GRIA1: variants seen among roughly 807,000 people sequenced by gnomAD.
GRIA1 encodes glutamate ionotropic receptor AMPA type subunit 1, also known as glutamate receptor 1.
A neutral mutation model predicts 99.2 loss-of-function variants in GRIA1; 31 were observed. That is an observed-to-expected ratio of 0.31 (90% CI 0.23 to 0.42). The LOEUF (loss-of-function observed/expected upper bound fraction) is 0.42. Ranked by LOEUF, GRIA1 falls within the 10% of genes least tolerant of loss-of-function variation. The probability of loss-of-function intolerance (pLI) is 1.00; values close to 1 mark genes in which losing one functional copy is unlikely to be tolerated. For synonymous variants in GRIA1, 438 were observed against 432.4 expected, an observed-to-expected ratio of 1.01 and a Z score of -0.16; for missense variants, 782 against 1,157.5, an observed-to-expected ratio of 0.68 and a Z score of 4.71.
In GRIA1 at chr5:153,498,167, G is replaced by T. The variant is rs761980659; in HGVS notation, c.220+4102G>T. ...TATTAAAATATCTGGCAACACTAGG[G>T]CCCAGGTCTATGCAGCCTCAATTTG... On this transcript the variant is annotated intron_variant, in intron 2 of 15. Transcript: ENST00000285900. Among the ~76,000 whole-genome samples the T allele has an allele frequency of 4.9e-4, 74 of 152,086 alleles. 2 individuals carry two copies. Among genetic ancestry groups the T allele is most frequent in the Non-Finnish European group, 6.5e-4 (44 of 68,026 alleles).
chr5:153,704,917 T>C (rs1758783898), intron 10 of GRIA1, among the ~76,000 whole-genome samples: 1 of 152,222 alleles, frequency 6.6e-6, no homozygotes, highest in African/African-American at 2.4e-5. Context: ...GTGGGGACCA[T>C]AGTCTACCTA....
intron 13 of GRIA1, among the ~76,000 whole-genome samples, chr5:153,783,055 T>C (rs888500803): frequency 6.6e-6 from 1 of 152,156 alleles, no homozygotes; most frequent in African/African-American, 2.4e-5. Context: ...AGCAGAGTTT[T>C]CTTCTCTTCC....
chr5:153,565,628 C>G (rs1340597841), intron 2 of GRIA1, among the ~76,000 whole-genome samples: 1 of 152,132 alleles, frequency 6.6e-6, no homozygotes, highest in Non-Finnish European at 1.5e-5. Flanking sequence ...AGGTTCTAAG[C>G]AACCATGAAT....
rs1195660160 is a variant in GRIA1, at chr5:153,662,920, A to G, written c.699+7048A>G. 5.9e-5 allele frequency among the ~76,000 whole-genome samples: 9 copies of G among 152,226 alleles called. No individual in the cohort carries two copies. The East Asian group carries it at 1.7e-3, about 29-fold the overall frequency. On this transcript the variant is annotated intron_variant, in intron 5 of 15. Coordinates refer to ENST00000285900, the MANE Select transcript of GRIA1 (RefSeq NM_000827.4). ...TCTCTTTGCTGATGAAGCTTATTCC[A>G]GTTTCCTCTTCTTCCTCCCACACAG...
chr5:153,666,828 G>A (rs1755780402), intron 5 of GRIA1, among the ~76,000 whole-genome samples: 1 of 152,164 alleles, frequency 6.6e-6, no homozygotes, highest in Non-Finnish European at 1.5e-5. Flanking sequence ...TTTAGCCAAA[G>A]TCTGCCTTCT....
intron 2 of GRIA1, among the ~76,000 whole-genome samples, chr5:153,499,426 T>C (rs1316953957): frequency 6.6e-6 from 1 of 151,632 alleles, no homozygotes; most frequent in Non-Finnish European, 1.5e-5. Context: ...CCATCCTGGC[T>C]AATACAGTGA....
At chr5:153,680,100 T>C (rs940709751) in intron 7 of GRIA1, among the ~76,000 whole-genome samples, 1 of 152,136 alleles carries the variant, frequency 6.6e-6, no homozygotes, top group African/African-American at 2.4e-5. Flanking sequence ...CAAACCACAT[T>C]TAGATGATGC....
intron 15 of GRIA1, among the ~76,000 whole-genome samples, chr5:153,804,323 C>A (rs971112273): frequency 4.6e-5 from 7 of 152,152 alleles, no homozygotes. Flanking sequence ...CTCCAAGGAG[C>A]TTGGCTACAC....
intron 2 of GRIA1, among the ~76,000 whole-genome samples, chr5:153,533,727 G>T (rs1421771849): frequency 6.6e-6 from 1 of 152,164 alleles, no homozygotes; most frequent in Non-Finnish European, 1.5e-5. Flanking sequence ...TGAAGAGAAG[G>T]GTGTGGGGGA....
rs561724242 is a variant in GRIA1 at position 153,649,287 on chromosome 5, G to A, written c.461-1043G>A. Among the ~76,000 whole-genome samples the A allele has an allele frequency of 3.2e-4, 48 of 152,274 alleles. No homozygotes were observed. The South Asian group carries it at 9.3e-3, about 30-fold the overall frequency. ...CATTTGTGTTGTTTTAAGCCAGTAA[G>A]TGTGTGATAACTTGTTACAGCAGCA... is the stretch of plus-strand genomic sequence containing the variant. On this transcript the variant is annotated intron_variant, in intron 3 of 15. Coordinates refer to ENST00000285900, the MANE Select transcript of GRIA1 (RefSeq NM_000827.4).
chr5:153,643,774 T>A (rs1045330099), intron 2 of GRIA1, among the ~76,000 whole-genome samples: 3 of 152,124 alleles, frequency 2.0e-5, no homozygotes, highest in Middle Eastern at 3.2e-3. Flanking sequence ...CTGTTTAAGG[T>A]AAGAGATGTT....
At chr5:153,498,083 A>G (rs999200508) in intron 2 of GRIA1, among the ~76,000 whole-genome samples, 1 of 152,172 alleles carries the variant, frequency 6.6e-6, no homozygotes, top group African/African-American at 2.4e-5. Flanking sequence ...TACACTGTGT[A>G]AGAACCATGG....
chr5:153,794,479 T>C, intron 13 of GRIA1, 142 bp from the exon 14 acceptor site: 2 of 651,492 alleles, frequency 3.1e-6, no homozygotes, highest in Middle Eastern at 8.3e-4. Flanking sequence ...CCTGCAGTGA[T>C]GTTGGGGGCA....
chr5:153,634,330 GA>G lies in GRIA1; in HGVS notation c.221-12588del, dbSNP rs34497962. Among the ~76,000 whole-genome samples, 50 of 143,354 alleles carry G rather than the reference GA, an allele frequency of 3.5e-4. 1 individual carries two copies. Among genetic ancestry groups the G allele is most frequent in the African/African-American group, 8.3e-4 (32 of 38,672 alleles). The allele number at this position is 143,354 out of a possible 152,430, so 94.0% of individuals were successfully genotyped here. On this transcript the variant is annotated intron_variant, in intron 2 of 15. Transcript: ENST00000285900. ...GAGACTCCATCTCAAAAAAAAAAAAGAAAAAAAAAAGAGTAGGATGAGTATT... is the reference window on the plus strand; with the variant it reads ...GAGACTCCATCTCAAAAAAAAAAAAGAAAAAAAAAGAGTAGGATGAGTATT...
chr5:153,520,570 T>C (rs1757044630), intron 2 of GRIA1, among the ~76,000 whole-genome samples: 1 of 152,070 alleles, frequency 6.6e-6, no homozygotes, highest in African/African-American at 2.4e-5. Context: ...CCCATGGATA[T>C]GGAAGTGAGT....
rs567990268 is a variant in GRIA1 at position 153,600,252 on chromosome 5, C to T, written c.221-46676C>T. On this transcript the variant is annotated intron_variant, in intron 2 of 15. Coordinates refer to ENST00000285900, the MANE Select transcript of GRIA1 (RefSeq NM_000827.4). ...TAAAAATACAAAAAAACTAGCTGGG[C>T]GTGGTGGCGGGCGCCTGTAGTCCCA... Among the ~76,000 whole-genome samples the T allele has an allele frequency of 5.9e-5, 9 of 151,752 alleles. No individual in the cohort carries two copies. The South Asian group carries it at 1.7e-3, about 28-fold the overall frequency.
At chr5:153,625,215 G>A (rs1371284233) in intron 2 of GRIA1, among the ~76,000 whole-genome samples, 1 of 152,146 alleles carries the variant, frequency 6.6e-6, no homozygotes, top group Admixed American at 6.6e-5. Context: ...CATTCCATGG[G>A]AGAAACATAG....
chr5:153,742,235 A>G (rs765081142), intron 11 of GRIA1, among the ~76,000 whole-genome samples: 2 of 152,182 alleles, frequency 1.3e-5, no homozygotes, highest in East Asian at 1.9e-4. Flanking sequence ...CATATGGGGA[A>G]GCAAGATAAG....
At chr5:153,520,034 T>A (rs538016428) in intron 2 of GRIA1, among the ~76,000 whole-genome samples, 1 of 152,086 alleles carries the variant, frequency 6.6e-6, no homozygotes, top group Non-Finnish European at 1.5e-5. Flanking sequence ...GCCTGTTAGG[T>A]TCGTAGTAAC....
Sources: allele counts gnomAD v4.1 joint callset (sites outside exome capture counted in the v4.1 genomes callset), GRCh38; gene constraint gnomAD v4.1.1; transcripts MANE v1.5; gene names NCBI Gene and HGNC (gene_info 2026-07-23, HGNC 2026-07-21).